VAC14: variants seen among roughly 807,000 people sequenced by gnomAD.
VAC14 encodes the protein protein VAC14 homolog.
Under a neutral mutation model 85.3 loss-of-function variants are expected in VAC14, and 47 were observed. That is an observed-to-expected ratio of 0.55 (90% CI 0.44 to 0.70). The LOEUF (loss-of-function observed/expected upper bound fraction) is 0.70, where lower values mean the gene tolerates loss of function less well. Among genes scored for constraint, VAC14 ranks in the 30% least tolerant of loss-of-function variants. The pLI is 0.00. For missense variants in VAC14, 861 were observed against 1,004.3 expected, an observed-to-expected ratio of 0.86 and a Z score of 1.93; for synonymous variants, 447 against 430.5, an observed-to-expected ratio of 1.04 and a Z score of -0.47.
intron 13 of VAC14, among the ~76,000 whole-genome samples, chr16:70,739,731 A>G (rs1043265443): frequency 6.6e-6 from 1 of 152,244 alleles, no homozygotes; most frequent in Admixed American, 6.5e-5. Flanking sequence ...GCTGGCAGCC[A>G]TGATGATTGT....
At chr16:70,688,948 T>C (rs2053548471) in intron 18 of VAC14, 1 of 985,514 alleles carries the variant, frequency 1.0e-6, no homozygotes, top group African/African-American at 1.7e-5. Flanking sequence ...GAAGTATCTG[T>C]TTCCAGGCCC....
In VAC14 at chr16:70,762,629, GC is replaced by G. The variant is rs780031448; in HGVS notation, c.1306-25del. The G allele has an allele frequency of 1.2e-6, 2 of 1,612,660 alleles. No individual in the cohort carries two copies. The highest frequency in any genetic ancestry group is 2.7e-5 in the African/African-American group (2 of 74,902). ...ATCTGGAGGGCAGAGAAGCAGGGGT[GC>G]CCGTGAGTGCTCCCTTCGCCCCGGG... On this transcript the variant is annotated intron_variant, in intron 11 of 18. Transcript: ENST00000261776. This position sits in a 1 kb window ranked among gnomAD's most constrained non-coding sequence, Gnocchi z 4.1.
Position 70,783,440 on chromosome 16 carries a change from C to G in VAC14, c.704+5G>C. The G allele has an allele frequency of 6.2e-7, 1 of 1,613,940 alleles. No homozygotes were observed. Among genetic ancestry groups the G allele is most frequent in the East Asian group, 2.2e-5 (1 of 44,876 alleles). On this transcript the variant is annotated splice_donor_5th_base_variant and intron_variant, in intron 6 of 18. Transcript: ENST00000261776. ...CAGCAGCTTCCTGCCCCTTACTCCA[C>G]TCACATTTTGCGAATCTCTTTGCCA...
chr16:70,730,956 C>A (rs1206479204), intron 14 of VAC14, among the ~76,000 whole-genome samples: 1 of 152,218 alleles, frequency 6.6e-6, no homozygotes, highest in African/African-American at 2.4e-5. Flanking sequence ...CTGGGCCACT[C>A]TTCTGCTACT....
rs115570722 is a variant in VAC14, at chr16:70,772,397, G to C, written c.1097-225C>G. ...TAGTCACAGTGATCTCACAAGGAGG[G>C]GACACCAGTGCTAAACACATCTGTC... is the stretch of plus-strand genomic sequence containing the variant. On this transcript the variant is annotated intron_variant, in intron 9 of 18. Transcript: ENST00000261776. 1.8e-3 allele frequency: 975 copies of C among 537,066 alleles called. 13 individuals carry two copies. The highest frequency in any genetic ancestry group is 2.4e-4 in the Non-Finnish European group (72 of 299,800). 33.3% of individuals were successfully genotyped at this position (537,066 alleles called of 1,614,324 possible). A position where few individuals can be genotyped will look rare whatever the true frequency, so the allele number is the denominator to read the frequency against.
chr16:70,755,950 G>T, intron 12 of VAC14: 1 of 454,200 alleles, frequency 2.2e-6, no homozygotes, highest in Admixed American at 2.4e-5. Flanking sequence ...GGGGGTTTGG[G>T]GCTTCCCCCA....
chr16:70,697,337 G>T, intron 15 of VAC14, 80 bp from the exon 16 acceptor site: 1 of 1,212,260 alleles, frequency 8.2e-7, no homozygotes, highest in Non-Finnish European at 1.2e-6. Flanking sequence ...CTGAGGGAAG[G>T]GCCACAGGTC....
intron 10 of VAC14, chr16:70,766,444 A>G: frequency 2.2e-6 from 1 of 455,048 alleles, no homozygotes; most frequent in South Asian, 1.6e-5. Context: ...TCTCCACAGC[A>G]AACACCTGAA....
intron 10 of VAC14, among the ~76,000 whole-genome samples, chr16:70,763,444 C>A (rs111288999): frequency 2.0e-5 from 3 of 152,340 alleles, no homozygotes; most frequent in African/African-American, 7.2e-5. Context: ...AAGTTCAGAC[C>A]CTTTCTTGGA....
intron 1 of VAC14, among the ~76,000 whole-genome samples, chr16:70,797,642 C>T (rs914845420): frequency 5.3e-5 from 8 of 152,192 alleles, no homozygotes; most frequent in Non-Finnish European, 8.8e-5. Flanking sequence ...GTGTCCCCAC[C>T]AAATCTCTTG....
intron 14 of VAC14, among the ~76,000 whole-genome samples, chr16:70,729,484 C>T (rs997094947): frequency 6.6e-6 from 1 of 152,092 alleles, no homozygotes; most frequent in Non-Finnish European, 1.5e-5. Context: ...CTGAGCTGGC[C>T]GGTCACCTCC....
At chr16:70,753,757 G>A (rs568269716) in intron 12 of VAC14, among the ~76,000 whole-genome samples, 4 of 152,328 alleles carry the variant, frequency 2.6e-5, no homozygotes, top group Admixed American at 1.3e-4. Context: ...GGGAATTCTG[G>A]TGACAGTCCT....
chr16:70,783,442 C>T lies in VAC14; in HGVS notation c.704+3G>A. 6.2e-7 allele frequency: 1 copy of T among 1,613,940 alleles called. No individual in the cohort carries two copies. The highest frequency in any genetic ancestry group is 8.5e-7 in the Non-Finnish European group (1 of 1,179,982). The stretch of plus-strand genomic sequence containing the variant: ...GCAGCTTCCTGCCCCTTACTCCACT[C>T]ACATTTTGCGAATCTCTTTGCCATT... On this transcript the variant is annotated splice_donor_region_variant and intron_variant, in intron 6 of 18. Coordinates refer to ENST00000261776, the MANE Select transcript of VAC14 (RefSeq NM_018052.5).
intron 14 of VAC14, among the ~76,000 whole-genome samples, chr16:70,708,163 CCT>C (rs1205907637): frequency 1.3e-5 from 2 of 152,202 alleles, no homozygotes; most frequent in Admixed American, 1.3e-4. Context: ...ACTCAAGCCC[CCT>C]GTTCTTTCCC....
chr16:70,742,565 C>G (rs1319868598), intron 13 of VAC14, among the ~76,000 whole-genome samples: 1 of 152,236 alleles, frequency 6.6e-6, no homozygotes, highest in African/African-American at 2.4e-5. Flanking sequence ...AACCACTTCC[C>G]CGACCACGGC....
chr16:70,744,709 G>A lies in VAC14; in HGVS notation c.1372-130C>T, dbSNP rs757387270. 977 of 1,147,944 alleles carry A rather than the reference G, an allele frequency of 8.5e-4. 2 individuals carry two copies. Among genetic ancestry groups the A allele is most frequent in the Non-Finnish European group, 1.0e-3 (879 of 842,670 alleles). 71.1% of individuals were successfully genotyped at this position (1,147,944 alleles called of 1,614,324 possible). A position where few individuals can be genotyped will look rare whatever the true frequency, so the allele number is the denominator to read the frequency against. Reference sequence around the variant, plus strand: ...GGGTCTGCAGATGACAGCAGGCTGGGAAGAGCCACTAAGGCCACAGCTGGG... The same window carrying A: ...GGGTCTGCAGATGACAGCAGGCTGGAAAGAGCCACTAAGGCCACAGCTGGG... On this transcript the variant is annotated intron_variant, in intron 12 of 18. Transcript: ENST00000261776.
At chr16:70,690,278 C>T in intron 18 of VAC14, 2 of 985,446 alleles carry the variant, frequency 2.0e-6, no homozygotes, top group South Asian at 4.7e-5. Context: ...GGTGACACTG[C>T]CTGGGCTGCT....
chr16:70,689,682 G>A (rs1041958590), intron 18 of VAC14: 3 of 985,488 alleles, frequency 3.0e-6, no homozygotes, highest in African/African-American at 3.5e-5. Context: ...TGGGCCTGGC[G>A]CTCCTGGCTC....
chr16:70,718,073 C>T (rs2054205473), intron 14 of VAC14, among the ~76,000 whole-genome samples: 1 of 152,242 alleles, frequency 6.6e-6, no homozygotes, highest in African/African-American at 2.4e-5. Flanking sequence ...AGCAGTTGGG[C>T]CAAGCCTGGC....
Sources: allele counts gnomAD v4.1 joint callset (sites outside exome capture counted in the v4.1 genomes callset), GRCh38; gene constraint gnomAD v4.1.1; non-coding constraint Gnocchi (gnomAD v3.1); transcripts MANE v1.5; gene names NCBI Gene and HGNC (gene_info 2026-07-23, HGNC 2026-07-21).